TM9SF4: variants seen among roughly 807,000 people sequenced by gnomAD.
TM9SF4 encodes dinucleotide oxidase disulfide thiol exchanger 3 superfamily member 4.
In TM9SF4, 26 loss-of-function variants were observed where a neutral mutation model predicts 90.4. The ratio of observed to expected loss-of-function variants is 0.29; its 90% CI spans 0.21 to 0.40. The LOEUF (loss-of-function observed/expected upper bound fraction) is 0.40, where lower values mean the gene tolerates loss of function less well. Among genes scored for constraint, TM9SF4 ranks in the 10% least tolerant of loss-of-function variants. The pLI, the probability that TM9SF4 is intolerant of heterozygous loss-of-function variation, is 1.00. For missense variants in TM9SF4, 549 were observed against 834.8 expected, an observed-to-expected ratio of 0.66 and a Z score of 4.22; for synonymous variants, 293 against 315.4, an observed-to-expected ratio of 0.93 and a Z score of 0.75.
intron 6 of TM9SF4, among the ~76,000 whole-genome samples, chr20:32,144,046 A>G (rs947946095): frequency 6.6e-5 from 10 of 152,226 alleles, no homozygotes; most frequent in East Asian, 1.9e-4. Flanking sequence ...CCTGGGTTCA[A>G]GCAATTCTCC....
intron 6 of TM9SF4, among the ~76,000 whole-genome samples, chr20:32,143,788 A>C (rs1600820420): frequency 6.6e-6 from 1 of 151,998 alleles, no homozygotes; most frequent in East Asian, 1.9e-4. Flanking sequence ...CAGAAGTCCC[A>C]AACATAGATC....
At chr20:32,151,425 G>A (rs1401140741) in intron 12 of TM9SF4, among the ~76,000 whole-genome samples, 9 of 141,168 alleles carry the variant, frequency 6.4e-5, no homozygotes, top group Admixed American at 3.6e-4. Context: ...AGGGATCCCC[G>A]AGCCCCTTCT....
chr20:32,143,966 GA>G (rs1332128996), intron 6 of TM9SF4, among the ~76,000 whole-genome samples: 1 of 151,602 alleles, frequency 6.6e-6, no homozygotes, highest in Non-Finnish European at 1.5e-5. Flanking sequence ...TTCCCCCCAA[GA>G]CAGAGTCTTG....
chr20:32,136,294 C>A, intron 3 of TM9SF4, 121 bp downstream of exon 3: 1 of 913,024 alleles, frequency 1.1e-6, no homozygotes, highest in Non-Finnish European at 1.7e-6. Context: ...TGTTTGCATA[C>A]CTGTTAGCTT....
chr20:32,161,881 G>A (rs1008297676), intron 17 of TM9SF4, among the ~76,000 whole-genome samples: 1 of 152,214 alleles, frequency 6.6e-6, no homozygotes, highest in Non-Finnish European at 1.5e-5. Flanking sequence ...ATCCTGCAGA[G>A]TAAGGAGAGG....
intron 8 of TM9SF4, 147 bp downstream of exon 8, chr20:32,145,570 G>T: frequency 5.9e-6 from 4 of 673,644 alleles, no homozygotes; most frequent in Non-Finnish European, 7.7e-6. Flanking sequence ...AGCATCAGGT[G>T]TACATAGGTA....
At chr20:32,116,956 A>T in intron 1 of TM9SF4, among the ~76,000 whole-genome samples, 1 of 134,134 alleles carries the variant, frequency 7.5e-6, no homozygotes. Flanking sequence ...ACAGTGGCTT[A>T]CACCTGTAAT....
intron 2 of TM9SF4, among the ~76,000 whole-genome samples, chr20:32,133,476 C>T (rs780926241): frequency 4.6e-5 from 7 of 152,194 alleles, no homozygotes; most frequent in Non-Finnish European, 5.9e-5. Flanking sequence ...GCCTCCCTTT[C>T]TCACCTGCTC....
chr20:32,125,636 T>G (rs2046407983), intron 1 of TM9SF4, among the ~76,000 whole-genome samples: 1 of 152,062 alleles, frequency 6.6e-6, no homozygotes, highest in Non-Finnish European at 1.5e-5. Flanking sequence ...GGCTGCTGCT[T>G]CTCTTCACAT....
intron 1 of TM9SF4, among the ~76,000 whole-genome samples, chr20:32,125,077 C>T (rs1334264492): frequency 6.6e-6 from 1 of 152,134 alleles, no homozygotes; most frequent in African/African-American, 2.4e-5. Flanking sequence ...CAGAGACCTC[C>T]TCTGCCACCT....
intron 9 of TM9SF4, among the ~76,000 whole-genome samples, chr20:32,148,214 CTG>C (rs980008158): frequency 1.6e-4 from 24 of 152,278 alleles, no homozygotes; most frequent in African/African-American, 4.1e-4. Context: ...CAAGAGAAAA[CTG>C]TTTTTACCTC....
chr20:32,126,106 C>CAG lies in TM9SF4; in HGVS notation c.16-6906_16-6905dup, dbSNP rs761366696. Among the ~76,000 whole-genome samples the CAG allele has an allele frequency of 3.2e-3, 472 of 148,720 alleles. 2 individuals are homozygous for CAG. Among genetic ancestry groups the CAG allele is most frequent in the African/African-American group, 9.8e-3 (394 of 40,140 alleles). On this transcript the variant is annotated intron_variant, in intron 1 of 17. Coordinates refer to ENST00000398022, the MANE Select transcript of TM9SF4 (RefSeq NM_014742.4). ...ACACACACACACACACACACACACACAGTAGCCAGAGTAACCTTTAAAACT... is the reference window on the plus strand; with the variant it reads ...ACACACACACACACACACACACACACAGAGTAGCCAGAGTAACCTTTAAAACT...
At chr20:32,120,945 T>C (rs999454565) in intron 1 of TM9SF4, among the ~76,000 whole-genome samples, 1 of 152,224 alleles carries the variant, frequency 6.6e-6, no homozygotes, top group Non-Finnish European at 1.5e-5. Flanking sequence ...TATTAATTGA[T>C]TTTCAAATAT....
chr20:32,148,567 G>T (rs2046795899), intron 9 of TM9SF4, among the ~76,000 whole-genome samples: 1 of 147,708 alleles, frequency 6.8e-6, no homozygotes, highest in Non-Finnish European at 1.5e-5. Flanking sequence ...AAACAAAAAA[G>T]AACTAAAACA....
At chr20:32,145,053 GCCACCAC>G (rs1469250677) in intron 6 of TM9SF4, 31 bp from the exon 7 acceptor site, 1 of 1,601,490 alleles carries the variant, frequency 6.2e-7, no homozygotes, top group Non-Finnish European at 8.6e-7. Context: ...AGTGGCACTG[GCCACCAC>G]AGGAACAGAC....
rs750657578 is a variant in TM9SF4 at position 32,157,794 on chromosome 20, G to A, written c.1330G>A (p.Val444Met). 7 of 1,613,984 alleles carry A rather than the reference G, an allele frequency of 4.3e-6. No individual in the cohort carries two copies. The highest frequency in any genetic ancestry group is 5.9e-6 in the Non-Finnish European group (7 of 1,179,986). Residue 444 changes from valine (V) to methionine (M), a missense_variant and splice_region_variant, in exon 14 of 18, where the codon GTG becomes ATG. Coordinates refer to ENST00000398022, the MANE Select transcript of TM9SF4 (RefSeq NM_014742.4). ...GGGCCTCATGGTGCCATGTCTACAG[G>A]TGCCCTTTCCCACCATGGTGGCTCT... ...FIWGKHSSGA[V>M]PFPTMVALLC... is the part of the protein sequence containing the mutation.
At chr20:32,118,676 C>T (rs1301098472) in intron 1 of TM9SF4, among the ~76,000 whole-genome samples, 2 of 151,614 alleles carry the variant, frequency 1.3e-5, no homozygotes, top group African/African-American at 2.4e-5. Context: ...CACTCTGTTG[C>T]CCAAGCTGGA....
Position 32,164,363 on chromosome 20 carries a change from T to C in TM9SF4, c.1780-932T>C, listed in dbSNP as rs780344202. The stretch of plus-strand genomic sequence containing the variant: ...CAAGACACCATTGCTAGAAAAAATA[T>C]TAGCTGGGTGTGGTGGCACACACCT... On this transcript the variant is annotated intron_variant, in intron 17 of 17. Coordinates refer to ENST00000398022, the MANE Select transcript of TM9SF4 (RefSeq NM_014742.4). Among the ~76,000 whole-genome samples the C allele has an allele frequency of 1.1e-3, 167 of 152,192 alleles. 3 individuals carry two copies. The highest frequency in any genetic ancestry group is 3.7e-4 in the Non-Finnish European group (25 of 68,000).
intron 17 of TM9SF4, among the ~76,000 whole-genome samples, chr20:32,163,218 C>G (rs1434808072): frequency 1.5e-5 from 2 of 134,330 alleles, no homozygotes; most frequent in Non-Finnish European, 3.0e-5. Flanking sequence ...TGCACTCTAG[C>G]CTGGGTGACA....
Sources: gnomAD v4.1 joint callset for allele counts (sites outside exome capture counted in the v4.1 genomes callset) on GRCh38, gnomAD v4.1.1 for gene constraint, MANE v1.5 for transcripts, NCBI Gene and HGNC (gene_info 2026-07-23, HGNC 2026-07-21) for gene names.